The following ST6GAL2 variants were observed in gnomAD, a reference collection of about 807,000 sequenced individuals.
ST6GAL2 encodes the protein ST6 beta-galactoside alpha-2,6-sialyltransferase 2, also known as beta-galactoside alpha-2,6-sialyltransferase 2.
Under a neutral mutation model 37.5 loss-of-function variants are expected in ST6GAL2, and 24 were observed. The observed-to-expected ratio is 0.64, with a 90% confidence interval of 0.46 to 0.90. ST6GAL2 has a LOEUF of 0.90. ST6GAL2 is among the 40% of genes least tolerant of loss of function. The probability of loss-of-function intolerance (pLI) is 0.00; values close to 1 mark genes in which losing one functional copy is unlikely to be tolerated. For missense variants in ST6GAL2, 715 were observed against 712.7 expected, an observed-to-expected ratio of 1.00 and a Z score of -0.04; for synonymous variants, 306 against 295.1, an observed-to-expected ratio of 1.04 and a Z score of -0.38.
chr2:106,850,556 G>C (rs1677317703), intron 1 of ST6GAL2, among the ~76,000 whole-genome samples: 1 of 152,168 alleles, frequency 6.6e-6, no homozygotes, highest in Non-Finnish European at 1.5e-5. Flanking sequence ...TGCCAATTGA[G>C]AGAACATTCT....
chr2:106,823,286 A>T (rs947316832), intron 5 of ST6GAL2: 16 of 152,258 alleles, frequency 1.1e-4, no homozygotes, highest in African/African-American at 3.6e-4. Flanking sequence ...GAAAAAGCTC[A>T]GCCGTGCCTA....
intron 2 of ST6GAL2, among the ~76,000 whole-genome samples, chr2:106,839,067 AC>A (rs1469041498): frequency 3.2e-4 from 49 of 152,158 alleles, no homozygotes; most frequent in African/African-American, 7.7e-4. Context: ...AACAAAAAAA[AC>A]AAGAGCATTT....
intron 1 of ST6GAL2, among the ~76,000 whole-genome samples, chr2:106,875,095 C>T (rs547706820): frequency 2.0e-5 from 3 of 152,166 alleles, no homozygotes; most frequent in Admixed American, 6.5e-5. Context: ...TCTCCTTTTT[C>T]ACTTTTGAAA....
At chr2:106,810,018 T>G (rs1257984370) in intron 5 of ST6GAL2, among the ~76,000 whole-genome samples, 1 of 152,170 alleles carries the variant, frequency 6.6e-6, no homozygotes, top group East Asian at 1.9e-4. Context: ...AGCAAGACAT[T>G]CTGCATGTTG....
intron 1 of ST6GAL2, among the ~76,000 whole-genome samples, chr2:106,845,060 T>TG (rs1362325838): frequency 6.6e-6 from 1 of 152,208 alleles, no homozygotes; most frequent in African/African-American, 2.4e-5. Context: ...AACTTCAAGC[T>TG]GAGCACTAAA....
At chr2:106,829,613 T>C (rs6761869) in intron 5 of ST6GAL2, among the ~76,000 whole-genome samples, 53,199 of 151,922 alleles carry the variant, frequency 0.35, 10,023 homozygotes, top group Non-Finnish European at 0.43. Context: ...TCCTGACCCA[T>C]AAAACCATGA....
At chr2:106,863,928 G>A (rs550342977) in intron 1 of ST6GAL2, among the ~76,000 whole-genome samples, 2 of 152,276 alleles carry the variant, frequency 1.3e-5, no homozygotes, top group East Asian at 3.9e-4. Flanking sequence ...CCTCTAAGGA[G>A]GTGTGTTTAA....
At position 106,832,589 on chromosome 2, in the gene ST6GAL2, G is replaced by A; in HGVS notation, c.1119C>T (p.Ala373=). 1.3e-6 allele frequency: 2 copies of A among 1,596,116 alleles called. No individual in the cohort carries two copies. Among genetic ancestry groups the A allele is most frequent in the Non-Finnish European group, 8.5e-7 (1 of 1,173,158 alleles). ...KDVILVAWDP[A]PYSANLNLWY... ...CCAGGTTAAGATTTGCGGAATATGG[G>A]GCAGGGTCCCAGGCCACCAAAATGA... The change falls in exon 4 of 6, where the codon GCC becomes GCT. Residue 373 remains alanine (A), a synonymous_variant. Transcript: ENST00000409382.
At chr2:106,836,282 G>C (rs1206752092) in intron 2 of ST6GAL2, among the ~76,000 whole-genome samples, 1 of 152,074 alleles carries the variant, frequency 6.6e-6, no homozygotes, top group Non-Finnish European at 1.5e-5. Context: ...TGTTTTATTT[G>C]AAGTATATGA....
intron 5 of ST6GAL2, among the ~76,000 whole-genome samples, chr2:106,809,447 G>A (rs535656220): frequency 8.5e-4 from 130 of 152,318 alleles, no homozygotes; most frequent in Non-Finnish European, 1.7e-3. Context: ...GTAAGGACTG[G>A]AGTCAGTTGT....
At chr2:106,817,674 C>T (rs903991934) in intron 5 of ST6GAL2, among the ~76,000 whole-genome samples, 15 of 151,984 alleles carry the variant, frequency 9.9e-5, no homozygotes, top group Non-Finnish European at 7.4e-5. Flanking sequence ...GAGGGACTCC[C>T]GCTTGAAAAA....
At chr2:106,811,243 T>G (rs1675599119) in intron 5 of ST6GAL2, among the ~76,000 whole-genome samples, 1 of 152,170 alleles carries the variant, frequency 6.6e-6, no homozygotes, top group Non-Finnish European at 1.5e-5. Context: ...TCCTAAGAGT[T>G]AATAATAGTA....
At position 106,875,795 on chromosome 2, in the gene ST6GAL2, A is replaced by AT. The variant is rs1678478126; in HGVS notation, c.-58+10297dup. On this transcript the variant is annotated intron_variant, in intron 1 of 5. Coordinates refer to ENST00000409382, the MANE Select transcript of ST6GAL2 (RefSeq NM_001142351.2). ...TAGAAAAGCTTCTAAAACTGACCAT[A>AT]TAGGAAGCTTCCATATTATAATTGG... 2.6e-5 allele frequency among the ~76,000 whole-genome samples: 4 copies of AT among 152,350 alleles called. No individual in the cohort carries two copies. In the South Asian group the frequency reaches 8.3e-4, roughly 32 times the overall value.
intron 1 of ST6GAL2, 53 bp downstream of exon 1, chr2:106,886,026 AGCAGCGCGGAGGCT>A (rs1253150753): frequency 3.9e-5 from 6 of 152,216 alleles, no homozygotes; most frequent in Non-Finnish European, 8.8e-5. Context: ...CTCCGCGCAC[AGCAGCGCGGAGGCT>A]GCAGCGCCAC....
chr2:106,829,268 T>G (rs1676320773), intron 5 of ST6GAL2, among the ~76,000 whole-genome samples: 1 of 152,218 alleles, frequency 6.6e-6, no homozygotes, highest in African/African-American at 2.4e-5. Flanking sequence ...GCCAATAGAA[T>G]TGCACATGTG....
At chr2:106,817,257 C>T (rs1183381358) in intron 5 of ST6GAL2, among the ~76,000 whole-genome samples, 1 of 152,200 alleles carries the variant, frequency 6.6e-6, no homozygotes, top group Non-Finnish European at 1.5e-5. Context: ...GGAGTGCTTG[C>T]ACCACTCTTC....
intron 1 of ST6GAL2, among the ~76,000 whole-genome samples, chr2:106,882,896 G>T (rs73952405): frequency 6.6e-6 from 1 of 152,174 alleles, no homozygotes. Context: ...GAAGTCCTCC[G>T]CAGTGGGCAG....
At chr2:106,856,380 T>C (rs980655036) in intron 1 of ST6GAL2, among the ~76,000 whole-genome samples, 3 of 152,198 alleles carry the variant, frequency 2.0e-5, no homozygotes, top group East Asian at 1.9e-4. Flanking sequence ...ACACGGATCA[T>C]GGTGTGAGTC....
At chr2:106,853,256 T>A (rs1325422876) in intron 1 of ST6GAL2, among the ~76,000 whole-genome samples, 2 of 152,204 alleles carry the variant, frequency 1.3e-5, no homozygotes, top group Non-Finnish European at 2.9e-5. Flanking sequence ...TACTTTCCCA[T>A]GCCCCGCCTT....
Sources: gnomAD v4.1 joint callset for allele counts (sites outside exome capture counted in the v4.1 genomes callset) on GRCh38, gnomAD v4.1.1 for gene constraint, MANE v1.5 for transcripts, NCBI Gene and HGNC (gene_info 2026-07-23, HGNC 2026-07-21) for gene names.